The following PRKG1 variants were observed in gnomAD, a reference collection of about 807,000 sequenced individuals.
PRKG1 encodes protein kinase cGMP-dependent 1.
In PRKG1, 35 loss-of-function variants were observed where a neutral mutation model predicts 88.1. The ratio of observed to expected loss-of-function variants is 0.40; its 90% CI spans 0.30 to 0.53. The LOEUF is 0.53. PRKG1 is among the 20% of genes least tolerant of loss of function. PRKG1 has a pLI of 0.59. For missense variants in PRKG1, 540 were observed against 839.8 expected (o/e 0.64, Z 4.41); for synonymous variants, 303 against 292.5 (o/e 1.04, Z -0.37).
intron 3 of PRKG1, among the ~76,000 whole-genome samples, chr10:51,739,956 G>A (rs1226163330): frequency 6.6e-6 from 1 of 152,090 alleles, no homozygotes; most frequent in Non-Finnish European, 1.5e-5. Flanking sequence ...AAACAAAATA[G>A]TAGTACAGAG....
At chr10:51,141,406 A>G (rs1488711719) in intron 1 of PRKG1, among the ~76,000 whole-genome samples, 1 of 152,112 alleles carries the variant, frequency 6.6e-6, no homozygotes, top group Admixed American at 6.6e-5. Flanking sequence ...GTGTTTTTCC[A>G]GATTGTGGAT....
rs934441561 is a variant in PRKG1, at chr10:51,147,756, T to G, written c.312-5408T>G. ...TTGTATCAAATGCTAATTATAGGTC[T>G]GAATTTGGCAAACAGTTTTAATTTC... On this transcript the variant is annotated intron_variant, in intron 1 of 17. Coordinates refer to ENST00000373980, the MANE Select transcript of PRKG1 (RefSeq NM_006258.4). Among the ~76,000 whole-genome samples, 28 of 152,212 alleles carry G rather than the reference T, an allele frequency of 1.8e-4. 1 individual carries two copies. The highest frequency in any genetic ancestry group is 6.8e-4 in the African/African-American group (28 of 41,458).
intron 2 of PRKG1, among the ~76,000 whole-genome samples, chr10:51,325,903 A>G (rs1841580277): frequency 6.6e-6 from 1 of 152,148 alleles, no homozygotes. Context: ...GCTGGGAGAC[A>G]TGCACCAGCC....
At chr10:52,267,046 TC>T (rs1841591245) in intron 10 of PRKG1, among the ~76,000 whole-genome samples, 3 of 135,514 alleles carry the variant, frequency 2.2e-5, no homozygotes. Context: ...TAAAAAATCA[TC>T]ATCATCATCA....
intron 2 of PRKG1, among the ~76,000 whole-genome samples, chr10:51,188,553 A>G (rs776612128): frequency 4.6e-5 from 7 of 151,942 alleles, no homozygotes; most frequent in Non-Finnish European, 8.8e-5. Context: ...ATACAATTGC[A>G]ACAAATTGAT....
chr10:51,175,867 T>C (rs545986075), intron 2 of PRKG1, among the ~76,000 whole-genome samples: 4 of 152,246 alleles, frequency 2.6e-5, no homozygotes, highest in Admixed American at 2.6e-4. Flanking sequence ...GAATGATTAA[T>C]TGCATAATTT....
At chr10:51,927,509 A>G (rs1842604561) in intron 5 of PRKG1, among the ~76,000 whole-genome samples, 1 of 152,204 alleles carries the variant, frequency 6.6e-6, no homozygotes, top group African/African-American at 2.4e-5. Context: ...TGCACGTTAA[A>G]TAGTAACAGT....
At chr10:52,020,231 C>T (rs905626176) in intron 5 of PRKG1, among the ~76,000 whole-genome samples, 3 of 151,996 alleles carry the variant, frequency 2.0e-5, no homozygotes, top group Non-Finnish European at 4.4e-5. Context: ...GTTCTTATTT[C>T]TTGGTGTTTC....
intron 2 of PRKG1, among the ~76,000 whole-genome samples, chr10:51,209,816 C>T (rs963583794): frequency 1.3e-5 from 2 of 152,106 alleles, no homozygotes; most frequent in South Asian, 4.2e-4. Flanking sequence ...GAACAATTCC[C>T]ATTGTGCTCA....
At chr10:51,606,146 T>C (rs1408899304) in intron 3 of PRKG1, among the ~76,000 whole-genome samples, 1 of 152,200 alleles carries the variant, frequency 6.6e-6, no homozygotes, top group Non-Finnish European at 1.5e-5. Flanking sequence ...CAATAAATGG[T>C]AGGTTAATTT....
At position 52,133,821 on chromosome 10, in the gene PRKG1, G is replaced by A; in HGVS notation, c.936-19G>A. 1.2e-6 allele frequency: 2 copies of A among 1,605,014 alleles called. No individual in the cohort carries two copies. The highest frequency in any genetic ancestry group is 1.7e-5 in the Admixed American group (1 of 59,832). ...ATATTAAAGGTTATTTTATTTGAATGTCTCTATTTTTCACATAGGGAAGAT... is the reference window on the plus strand; with the variant it reads ...ATATTAAAGGTTATTTTATTTGAATATCTCTATTTTTCACATAGGGAAGAT... On this transcript the variant is annotated intron_variant, in intron 7 of 17. Coordinates refer to ENST00000373980, the MANE Select transcript of PRKG1 (RefSeq NM_006258.4).
chr10:51,969,736 A>G, intron 5 of PRKG1, among the ~76,000 whole-genome samples: 1 of 152,046 alleles, frequency 6.6e-6, no homozygotes, highest in East Asian at 1.9e-4. Context: ...TATTCCCACT[A>G]GAATGGCTAA....
In PRKG1 at chr10:52,217,853, A is replaced by G. The variant is rs143565363; in HGVS notation, c.1077-33717A>G. Among the ~76,000 whole-genome samples, 1,366 of 152,290 alleles carry G rather than the reference A, an allele frequency of 9.0e-3. 15 individuals carry two copies. Among genetic ancestry groups the G allele is most frequent in the African/African-American group, 0.031 (1,277 of 41,560 alleles). ...CCGTTACTCTCTACTTATAATTTGC[A>G]TAATAAATGAAACTCCTATTTTATC... On this transcript the variant is annotated intron_variant, in intron 9 of 17. Transcript: ENST00000373980.
chr10:51,330,666 TTC>T (rs1335054047), intron 2 of PRKG1, among the ~76,000 whole-genome samples: 1 of 152,142 alleles, frequency 6.6e-6, no homozygotes, highest in Admixed American at 6.5e-5. Flanking sequence ...CTTCCAAGAT[TTC>T]TGTTTGACTT....
intron 1 of PRKG1, among the ~76,000 whole-genome samples, chr10:51,152,409 A>T (rs1261679679): frequency 6.6e-6 from 1 of 152,090 alleles, no homozygotes; most frequent in Non-Finnish European, 1.5e-5. Flanking sequence ...TGTGTAAAGA[A>T]CTGTTGCATT....
chr10:51,621,729 T>C (rs1839217029), intron 3 of PRKG1, among the ~76,000 whole-genome samples: 1 of 152,220 alleles, frequency 6.6e-6, no homozygotes, highest in Non-Finnish European at 1.5e-5. Context: ...ATTCTCAATT[T>C]AACCTGATGT....
chr10:52,257,186 G>A (rs551983292), intron 10 of PRKG1, among the ~76,000 whole-genome samples: 1 of 139,178 alleles, frequency 7.2e-6, no homozygotes, highest in Non-Finnish European at 1.6e-5. Flanking sequence ...TGGTAGTCGC[G>A]AGAACCAATT....
chr10:52,143,578 G>A (rs368311138), intron 8 of PRKG1, among the ~76,000 whole-genome samples: 1 of 152,090 alleles, frequency 6.6e-6, no homozygotes, highest in East Asian at 1.9e-4. Flanking sequence ...TGCACTGTAG[G>A]GTGCAGGAAA....
At chr10:51,187,688 A>G (rs894251651) in intron 2 of PRKG1, among the ~76,000 whole-genome samples, 3 of 152,034 alleles carry the variant, frequency 2.0e-5, no homozygotes, top group African/African-American at 7.2e-5. Context: ...AATTATCAAT[A>G]TTGTGAATTT....
Sources: allele counts gnomAD v4.1 joint callset (sites outside exome capture counted in the v4.1 genomes callset), GRCh38; gene constraint gnomAD v4.1.1; transcripts MANE v1.5; gene names NCBI Gene and HGNC (gene_info 2026-07-23, HGNC 2026-07-21).